The following MED13 variants were observed in gnomAD, a reference collection of about 807,000 sequenced individuals.
The protein encoded by MED13 is mediator complex subunit 13, also known as mediator of RNA polymerase II transcription subunit 13.
MED13 carries 23 observed loss-of-function variants against 225.2 expected under a neutral mutation model. The observed-to-expected ratio is 0.10, with a 90% confidence interval of 0.07 to 0.14. The LOEUF (loss-of-function observed/expected upper bound fraction) is 0.14. Ranked by LOEUF, MED13 falls within the 10% of genes least tolerant of loss-of-function variation. The pLI, the probability that MED13 is intolerant of heterozygous loss-of-function variation, is 1.00. For missense variants in MED13, 2,197 were observed against 2,594.5 expected, an observed-to-expected ratio of 0.85 and a Z score of 3.33; for synonymous variants, 942 against 889.2, an observed-to-expected ratio of 1.06 and a Z score of -1.06.
intron 2 of MED13, among the ~76,000 whole-genome samples, chr17:62,060,565 G>A (rs1330043581): frequency 1.4e-5 from 2 of 147,154 alleles, no homozygotes; most frequent in Admixed American, 1.4e-4. Context: ...AGAGCTTGCA[G>A]CAAGCAAGCT....
At chr17:62,029,042 C>A (rs918566611) in intron 8 of MED13, among the ~76,000 whole-genome samples, 1 of 150,896 alleles carries the variant, frequency 6.6e-6, no homozygotes, top group African/African-American at 2.4e-5. Context: ...ATGCCTATAA[C>A]CCTAGCTACT....
Position 61,965,436 on chromosome 17 carries a change from A to T in MED13, c.4414T>A (p.Ser1472Thr). 6.2e-7 allele frequency: 1 copy of T among 1,614,134 alleles called. No homozygotes were observed. Among genetic ancestry groups the T allele is most frequent in the Non-Finnish European group, 8.5e-7 (1 of 1,179,978 alleles). ...PYLASLPLDSSLLSQPNLVAP... is the reference protein window; with the variant it reads ...PYLASLPLDSTLLSQPNLVAP... ...ACTAAATTTGGCTGGGAAAGTAGAGAGCTGTCCAATGGCAGGGAAGCAAGA... is the reference window on the plus strand; with the variant it reads ...ACTAAATTTGGCTGGGAAAGTAGAGTGCTGTCCAATGGCAGGGAAGCAAGA... The change falls in exon 20 of 30, where the codon TCT (serine) becomes ACT (threonine). Residue 1472 changes from serine to threonine, a missense_variant. Transcript: ENST00000397786.
intron 11 of MED13, among the ~76,000 whole-genome samples, chr17:61,988,886 C>T (rs1047786987): frequency 6.6e-6 from 1 of 152,032 alleles, no homozygotes; most frequent in Admixed American, 6.6e-5. Flanking sequence ...ATTGTAGTAA[C>T]CACAATTTAC....
chr17:61,994,959 C>A (rs2080334805), intron 10 of MED13, among the ~76,000 whole-genome samples, 193 bp downstream of exon 10: 2 of 152,208 alleles, frequency 1.3e-5, no homozygotes, highest in African/African-American at 2.4e-5. Context: ...GATCTGCCTG[C>A]CTCGGCCTCC....
chr17:61,997,229 G>A (rs2080354621), intron 9 of MED13, among the ~76,000 whole-genome samples: 2 of 152,132 alleles, frequency 1.3e-5, no homozygotes, highest in Admixed American at 1.3e-4. Flanking sequence ...AACAAAAACT[G>A]ATTTCTAAAC....
intron 16 of MED13, among the ~76,000 whole-genome samples, chr17:61,980,883 C>T (rs1302372596): frequency 6.6e-6 from 1 of 151,582 alleles, no homozygotes; most frequent in Non-Finnish European, 1.5e-5. Flanking sequence ...GCTGGGACCA[C>T]AGGCACGCCC....
chr17:61,956,248 T>G, intron 24 of MED13, 91 bp downstream of exon 24: 1 of 1,259,330 alleles, frequency 7.9e-7, no homozygotes, highest in East Asian at 2.5e-5. Flanking sequence ...ACCTTTGCAT[T>G]TTATTCAACA....
At chr17:61,994,145 C>T (rs1177778424) in intron 10 of MED13, among the ~76,000 whole-genome samples, 3 of 151,866 alleles carry the variant, frequency 2.0e-5, no homozygotes, top group African/African-American at 4.8e-5. Flanking sequence ...ACTACAGGCG[C>T]CCGCCATCGC....
intron 11 of MED13, among the ~76,000 whole-genome samples, chr17:61,990,073 A>C (rs908083238): frequency 6.6e-6 from 1 of 152,184 alleles, no homozygotes; most frequent in African/African-American, 2.4e-5. Flanking sequence ...CCAAATATTA[A>C]AACTTTGTCA....
chr17:62,035,712 C>T, intron 3 of MED13, 104 bp from the exon 4 acceptor site: 2 of 1,117,992 alleles, frequency 1.8e-6, no homozygotes, highest in Non-Finnish European at 2.5e-6. Context: ...CCCTATTTTG[C>T]CCAAAAATTC....
chr17:61,965,115 C>G lies in MED13; in HGVS notation c.4735G>C (p.Val1579Leu), dbSNP rs374971933. Residue 1579 changes from valine (V) to leucine (L), a missense_variant, in exon 20 of 30, where the codon GTT becomes CTT. By Grantham distance (32) the Val-to-Leu change is conservative (BLOSUM62 1). Transcript: ENST00000397786. ...AGSMSTQANT[V>L]QSGQLGGQQT... ...TGCCCTCCTAGCTGACCACTCTGAA[C>G]TGTATTTGCTTGTGTAGACATGGAT... 4.7e-5 allele frequency: 76 copies of G among 1,614,078 alleles called. No homozygotes were observed. The highest frequency in any genetic ancestry group is 6.4e-5 in the Non-Finnish European group (75 of 1,180,038).
chr17:62,032,197 G>A (rs941959018), intron 5 of MED13, among the ~76,000 whole-genome samples: 1 of 151,786 alleles, frequency 6.6e-6, no homozygotes, highest in Non-Finnish European at 1.5e-5. Context: ...AAACAGGCCA[G>A]GAGTGGTAGC....
At chr17:62,044,131 A>G (rs2143725258) in intron 3 of MED13, among the ~76,000 whole-genome samples, 1 of 152,270 alleles carries the variant, frequency 6.6e-6, no homozygotes, top group South Asian at 2.1e-4. Flanking sequence ...ATTTTTAATC[A>G]GTTTTGGAGA....
chr17:62,025,642 T>C (rs1407690186), intron 8 of MED13, among the ~76,000 whole-genome samples: 2 of 152,172 alleles, frequency 1.3e-5, no homozygotes, highest in Non-Finnish European at 2.9e-5. Context: ...TGCACTCCTG[T>C]CTGCGAGATA....
At chr17:62,007,531 T>C (rs1012496702) in intron 9 of MED13, 2 of 152,082 alleles carry the variant, frequency 1.3e-5, no homozygotes, top group Non-Finnish European at 2.9e-5. Flanking sequence ...AATTTCCAAA[T>C]GGCAGAACAA....
chr17:61,980,485 G>A (rs937059361), intron 16 of MED13, among the ~76,000 whole-genome samples: 12 of 152,074 alleles, frequency 7.9e-5, no homozygotes, highest in Non-Finnish European at 1.2e-4. Context: ...TTACTCCCCC[G>A]TGTTTCCCTC....
intron 11 of MED13, 143 bp downstream of exon 11, chr17:61,992,397 T>C: frequency 1.8e-6 from 1 of 547,652 alleles, no homozygotes; most frequent in Non-Finnish European, 3.3e-6. Flanking sequence ...AGATAACCAA[T>C]AAACCCATCA....
At chr17:61,982,107 C>T (rs1366066355) in intron 16 of MED13, 91 bp downstream of exon 16, 3 of 1,243,238 alleles carry the variant, frequency 2.4e-6, no homozygotes, top group Non-Finnish European at 2.2e-6. Flanking sequence ...AATGTATTTG[C>T]CACATGGGAA....
intron 2 of MED13, 40 bp downstream of exon 2, chr17:62,063,027 G>T: frequency 1.4e-6 from 2 of 1,443,984 alleles, no homozygotes; most frequent in Non-Finnish European, 1.9e-6. Context: ...AGTATACAAT[G>T]TTGCTATATC....
Sources: allele counts gnomAD v4.1 joint callset (sites outside exome capture counted in the v4.1 genomes callset), GRCh38; gene constraint gnomAD v4.1.1; transcripts MANE v1.5; gene names NCBI Gene and HGNC (gene_info 2026-07-23, HGNC 2026-07-21).